Variants in DACH2 observed in about 807,000 individuals in gnomAD.
DACH2 encodes dachshund family transcription factor 2, also known as dachshund homolog 2.
A neutral mutation model predicts 35.8 loss-of-function variants in DACH2; 17 were observed. The ratio of observed to expected loss-of-function variants is 0.48; its 90% confidence interval spans 0.33 to 0.71. DACH2 has a LOEUF of 0.71. Among genes scored for constraint, DACH2 ranks in the 30% least tolerant of loss-of-function variants. DACH2 has a pLI of 0.02. For missense variants in DACH2, 469 were observed against 472.7 expected (o/e 0.99, Z 0.07); for synonymous variants, 195 against 177.3 (o/e 1.10, Z -0.79).
intron 7 of DACH2, among the ~76,000 whole-genome samples, chrX:86,779,962 A>G (rs1602939112): frequency 9.0e-6 from 1 of 110,856 alleles, no homozygotes; most frequent in Non-Finnish European, 1.9e-5. Flanking sequence ...GGAACATCTC[A>G]TCCTCCCAAG....
intron 2 of DACH2, among the ~76,000 whole-genome samples, chrX:86,511,201 A>G (rs1377848577): frequency 2.7e-5 from 3 of 111,770 alleles, no homozygotes; most frequent in South Asian, 3.7e-4. Context: ...ACAATCTTTC[A>G]TCGTGTTGTC....
intron 7 of DACH2, among the ~76,000 whole-genome samples, chrX:86,748,464 C>A (rs866147203): frequency 1.5e-4 from 17 of 111,719 alleles, no homozygotes; most frequent in African/African-American, 5.5e-4. Context: ...AAATGAATTT[C>A]TTTTTACAGA....
At chrX:86,474,971 T>A (rs1168941241) in intron 2 of DACH2, among the ~76,000 whole-genome samples, 1 of 111,373 alleles carries the variant, frequency 9.0e-6, no homozygotes, top group Admixed American at 9.6e-5. Flanking sequence ...TGACCTCAGG[T>A]GATCCACCCT....
chrX:86,623,939 A>C (rs771117406), intron 3 of DACH2, among the ~76,000 whole-genome samples: 1 of 100,450 alleles, frequency 1.0e-5, no homozygotes. Flanking sequence ...TCCCAGCTAC[A>C]CAGGAGGCTG....
At chrX:86,778,281 C>T (rs1230423612) in intron 7 of DACH2, among the ~76,000 whole-genome samples, 1 of 111,555 alleles carries the variant, frequency 9.0e-6, no homozygotes, top group African/African-American at 3.3e-5. Context: ...ATCCCTTTCT[C>T]CACATCCTTG....
intron 7 of DACH2, among the ~76,000 whole-genome samples, chrX:86,776,028 G>T (rs1330741965): frequency 1.8e-5 from 2 of 111,398 alleles, no homozygotes; most frequent in Non-Finnish European, 3.8e-5. Context: ...TGACTTCAGA[G>T]CCTGCCTGCT....
At chrX:86,319,779 A>T (rs2034983009) in intron 1 of DACH2, among the ~76,000 whole-genome samples, 1 of 112,349 alleles carries the variant, frequency 8.9e-6, no homozygotes, top group Non-Finnish European at 1.9e-5. Flanking sequence ...AAAATATTTG[A>T]TTTAAGTGCT....
At chrX:86,307,094 C>T (rs1238358250) in intron 1 of DACH2, among the ~76,000 whole-genome samples, 1 of 111,780 alleles carries the variant, frequency 8.9e-6, no homozygotes, top group African/African-American at 3.3e-5. Flanking sequence ...CACATAATAT[C>T]ATTGGCCATA....
intron 1 of DACH2, among the ~76,000 whole-genome samples, chrX:86,272,199 A>T (rs867825470): frequency 7.1e-4 from 71 of 100,480 alleles, no homozygotes; most frequent in African/African-American, 2.5e-3. Context: ...TTCCTTTGAG[A>T]GTGTGTGTGT....
intron 1 of DACH2, among the ~76,000 whole-genome samples, chrX:86,217,727 C>T (rs6524596): frequency 0.1 from 11,427 of 110,255 alleles, 1,448 homozygotes; most frequent in African/African-American, 0.35. Flanking sequence ...GTATAACTGA[C>T]AAAAAAGAAA....
At chrX:86,313,976 A>T (rs2034849021) in intron 1 of DACH2, among the ~76,000 whole-genome samples, 1 of 111,577 alleles carries the variant, frequency 9.0e-6, no homozygotes, top group South Asian at 3.8e-4. Context: ...GTGATCAGTG[A>T]TCTTTGATGT....
At chrX:86,633,353 G>T (rs767537798) in intron 3 of DACH2, among the ~76,000 whole-genome samples, 2 of 111,009 alleles carry the variant, frequency 1.8e-5, no homozygotes, top group South Asian at 7.7e-4. Flanking sequence ...AAAAAACAGA[G>T]AAATTGGATA....
At chrX:86,508,541 C>A (rs2038356207) in intron 2 of DACH2, among the ~76,000 whole-genome samples, 1 of 107,440 alleles carries the variant, frequency 9.3e-6, no homozygotes, top group African/African-American at 3.4e-5. Context: ...GCCTGGGTGA[C>A]AGAGTGAGAC....
At chrX:86,495,659 G>C (rs972696031) in intron 2 of DACH2, among the ~76,000 whole-genome samples, 1 of 109,849 alleles carries the variant, frequency 9.1e-6, no homozygotes, top group African/African-American at 3.3e-5. Flanking sequence ...AGGAAAATAT[G>C]AAAATTAACC....
Position 86,813,161 on chromosome X carries a change from G to T in DACH2, c.1421G>T (p.Arg474Leu). The part of the protein sequence containing the change: ...GLLKVALDNA[R>L]IQEKQIQQEK... ...CTGAAAGTTGCTTTGGATAATGCTC[G>T]CATCCAGGAGAAGCAGATTCAACAA... The change falls in exon 9 of 12, where the codon CGC becomes CTC. Residue 474 changes from arginine (R) to leucine (L), a missense_variant. Physicochemically the swap from Arg to Leu is moderately radical, Grantham distance 102 (BLOSUM62 -2). Coordinates refer to ENST00000373125, the MANE Select transcript of DACH2 (RefSeq NM_053281.3). 8.3e-7 allele frequency: 1 copy of T among 1,206,897 alleles called. No homozygotes were observed. Among genetic ancestry groups the T allele is most frequent in the South Asian group, 1.8e-5 (1 of 55,920 alleles).
chrX:86,442,217 C>T (rs952135108), intron 2 of DACH2, among the ~76,000 whole-genome samples: 4 of 109,730 alleles, frequency 3.6e-5, no homozygotes, highest in African/African-American at 3.3e-5. Flanking sequence ...GTGAAGTGAT[C>T]GCTCATTGTG....
At chrX:86,499,936 C>A (rs1416633078) in intron 2 of DACH2, among the ~76,000 whole-genome samples, 1 of 110,960 alleles carries the variant, frequency 9.0e-6, no homozygotes, top group Non-Finnish European at 1.9e-5. Flanking sequence ...GTGAATACTG[C>A]CGCCATGACC....
intron 1 of DACH2, among the ~76,000 whole-genome samples, chrX:86,307,480 T>C (rs982743908): frequency 3.5e-4 from 39 of 111,517 alleles, no homozygotes; most frequent in African/African-American, 1.2e-3. Flanking sequence ...TAAATTCTGA[T>C]GAAGCTTTTT....
intron 6 of DACH2, among the ~76,000 whole-genome samples, chrX:86,726,028 A>G (rs1471393870): frequency 9.0e-6 from 1 of 111,469 alleles, no homozygotes; most frequent in African/African-American, 3.3e-5. Flanking sequence ...TAATGACTTC[A>G]GGTGCTGGCT....
Sources: gnomAD v4.1 joint callset for allele counts (sites outside exome capture counted in the v4.1 genomes callset) on GRCh38, gnomAD v4.1.1 for gene constraint, MANE v1.5 for transcripts, NCBI Gene and HGNC (gene_info 2026-07-23, HGNC 2026-07-21) for gene names.